TWNK: variants seen among roughly 807,000 people sequenced by gnomAD.
The protein encoded by TWNK is twinkle mtDNA helicase.
Under a neutral mutation model 58.2 loss-of-function variants are expected in TWNK, and 36 were observed. The ratio of observed to expected loss-of-function variants is 0.62; its 90% CI spans 0.47 to 0.82. The LOEUF (loss-of-function observed/expected upper bound fraction) is 0.82. Ranked by LOEUF, TWNK falls within the 40% of genes least tolerant of loss-of-function variation. The pLI, the probability that TWNK is intolerant of heterozygous loss-of-function variation, is 0.00. For synonymous variants in TWNK, 349 were observed against 348.5 expected (o/e 1.00, Z -0.02); for missense variants, 714 against 881.0 (o/e 0.81, Z 2.40).
Position 100,989,964 on chromosome 10 carries a change from C to T in TWNK, c.1484+80C>T, listed in dbSNP as rs1238289591. The T allele has an allele frequency of 6.4e-7, 1 of 1,552,412 alleles. No homozygotes were observed. The highest frequency in any genetic ancestry group is 1.4e-5 in the African/African-American group (1 of 73,536). On this transcript the variant is annotated intron_variant, in intron 2 of 4. Transcript: ENST00000311916. This position sits in a 1 kb window ranked among gnomAD's most constrained non-coding sequence, Gnocchi z 7.6. ...GGAACCTTTGGTTCCTTTTCCAGCT[C>T]CAGTAGGAACTCCCCCATCTCCTTA...
rs1851849875 is a variant in TWNK, at chr10:100,993,696, G to A, written c.*186G>A. 1.5e-6 allele frequency: 1 copy of A among 667,832 alleles called. No homozygotes were observed. The allele number at this position is 667,832 out of a possible 1,614,324, so 41.4% of individuals were successfully genotyped here. On this transcript the variant is annotated 3_prime_UTR_variant, in exon 5 of 5. Transcript: ENST00000311916. Reference sequence around the variant, plus strand: ...CAGACTACTGAGAAACTACTGTGTTGCTCAGGCTTTGTTTGAGGTCCTGTA... The same window carrying A: ...CAGACTACTGAGAAACTACTGTGTTACTCAGGCTTTGTTTGAGGTCCTGTA...
In TWNK at chr10:100,993,410, C is replaced by T. The variant is rs1851839545; in HGVS notation, c.1955C>T (p.Pro652Leu). Residue 652 changes from proline to leucine, a missense_variant, in exon 5 of 5, where the codon CCC becomes CTC. By Grantham distance (98) the Pro-to-Leu change is moderately conservative. Around this residue, in one of 3 missense-constraint regions of TWNK, gnomAD observed 64 missense variants for 54.0 expected, o/e 1.19. Transcript: ENST00000311916. The part of the protein sequence containing the change: ...KDDTGPVAKK[P>L]SSGKKGATTQ... Reference sequence around the variant, plus strand: ...GACACTGGACCAGTGGCCAAAAAGCCCTCTTCTGGCAAAAAGGGGGCTACG... The same window carrying T: ...GACACTGGACCAGTGGCCAAAAAGCTCTCTTCTGGCAAAAAGGGGGCTACG... 6.2e-7 allele frequency: 1 copy of T among 1,614,090 alleles called. No homozygotes were observed. Among genetic ancestry groups the T allele is most frequent in the Non-Finnish European group, 8.5e-7 (1 of 1,180,040 alleles).
Position 100,988,641 on chromosome 10 carries a change from A to AGTT in TWNK, c.432_433insTTG (p.Lys144_Ala145insLeu). 3.1e-6 allele frequency: 5 copies of AGTT among 1,614,002 alleles called. No individual in the cohort carries two copies. The highest frequency in any genetic ancestry group is 4.2e-6 in the Non-Finnish European group (5 of 1,180,018). On this transcript the variant is annotated inframe_insertion, in exon 1 of 5. Coordinates refer to ENST00000311916, the MANE Select transcript of TWNK (RefSeq NM_021830.5). This position sits in a 1 kb window ranked among gnomAD's most constrained non-coding sequence, Gnocchi z 5.2. ...GCCAGGGAGGGGTTTCTGCTTAGCA[A>AGTT]GGCACCAGAATTTGAGGACAGCGAG...
At chr10:100,992,528 TAAAAAA>T (rs1209775610) in intron 4 of TWNK, among the ~76,000 whole-genome samples, 3 of 91,122 alleles carry the variant, frequency 3.3e-5, no homozygotes, top group Non-Finnish European at 6.4e-5. Flanking sequence ...ACCCTGTCTT[TAAAAAA>T]AAAAAAAAAA....
chr10:100,991,077 C>T, intron 4 of TWNK, 67 bp downstream of exon 4: 5 of 1,607,846 alleles, frequency 3.1e-6, no homozygotes, highest in Non-Finnish European at 3.4e-6. Context: ...AGGGACAGCC[C>T]TCATTCAGCC....
At position 100,988,266 on chromosome 10, in the gene TWNK, G is replaced by A. The variant is rs767175342; in HGVS notation, c.56G>A (p.Gly19Glu). ...YPLRILLPLRGEWMGRRGLPR... is the reference protein window; with the variant it reads ...YPLRILLPLREEWMGRRGLPR... The stretch of plus-strand genomic sequence containing the variant: ...CTCCGTATCTTGTTACCCCTGCGTG[G>A]GGAGTGGATGGGTCGGAGGGGCCTG... The change falls in exon 1 of 5, where the codon GGG becomes GAG. Residue 19 changes from glycine to glutamate, a missense_variant. Coordinates refer to ENST00000311916, the MANE Select transcript of TWNK (RefSeq NM_021830.5). This position sits in a 1 kb window ranked among gnomAD's most constrained non-coding sequence, Gnocchi z 5.2. 2.6e-5 allele frequency: 42 copies of A among 1,613,916 alleles called. No individual in the cohort carries two copies. Among genetic ancestry groups the A allele is most frequent in the Non-Finnish European group, 3.5e-5 (41 of 1,180,050 alleles).
At chr10:100,992,461 C>T (rs550553698) in intron 4 of TWNK, among the ~76,000 whole-genome samples, 16 of 148,546 alleles carry the variant, frequency 1.1e-4, no homozygotes, top group African/African-American at 1.5e-4. Context: ...ATGATCCGTC[C>T]GCCTCGGCCT....
Position 100,989,884 on chromosome 10 carries a change from G to T in TWNK, c.1484G>T (p.Arg495Met). The T allele has an allele frequency of 1.2e-6, 2 of 1,614,156 alleles. No individual in the cohort carries two copies. Among genetic ancestry groups the T allele is most frequent in the Non-Finnish European group, 1.7e-6 (2 of 1,180,028 alleles). The change falls in exon 2 of 5, where the codon AGG (arginine) becomes ATG (methionine). Residue 495 changes from arginine (R) to methionine (M), a missense_variant and splice_region_variant. Physicochemically the swap from Arg to Met is moderately conservative, Grantham distance 91. Around this residue, in one of 3 missense-constraint regions of TWNK, gnomAD observed 302 missense variants for 438.6 expected, o/e 0.69. Transcript: ENST00000311916. The surrounding 1 kb of genome is among the most constrained non-coding windows in gnomAD (Gnocchi z 7.6). Reference sequence around the variant, plus strand: ...ACTTTCCATGGACAGCAAAGCATCAGGTGAGACTCCCAGATTCCAGCCACC... The same window carrying T: ...ACTTTCCATGGACAGCAAAGCATCATGTGAGACTCCCAGATTCCAGCCACC... ...FMTFHGQQSI[R>M]TVIDTMQHAV...
intron 4 of TWNK, 49 bp from the exon 5 acceptor site, chr10:100,993,141 C>T (rs781169435): frequency 6.3e-7 from 1 of 1,596,788 alleles, no homozygotes; most frequent in South Asian, 1.1e-5. Flanking sequence ...TTCTGCTTTG[C>T]TCATGTCCTC....
Position 100,993,887 on chromosome 10 carries a change from T to G in TWNK, c.*377T>G, listed in dbSNP as rs1297944327. 4.0e-6 allele frequency: 1 copy of G among 251,950 alleles called. No individual in the cohort carries two copies. The allele number at this position is 251,950 out of a possible 1,614,324, so 15.6% of individuals were successfully genotyped here. A position where few individuals can be genotyped will look rare whatever the true frequency, so the allele number is the denominator to read the frequency against. On this transcript the variant is annotated 3_prime_UTR_variant, in exon 5 of 5. Coordinates refer to ENST00000311916, the MANE Select transcript of TWNK (RefSeq NM_021830.5). ...GGCAGGCTAGTGTAGATAAGTGGTC[T>G]GAAAAGGTGTCTCTGAGCCGAGGGC...
intron 2 of TWNK, among the ~76,000 whole-genome samples, 174 bp downstream of exon 2, chr10:100,990,058 C>T (rs1043545033): frequency 3.3e-5 from 5 of 152,108 alleles, no homozygotes; most frequent in Non-Finnish European, 7.3e-5. Context: ...AATCCCAGCA[C>T]TTTGGGAGGC....
rs1248801941 is a variant in TWNK, at chr10:100,988,642, G to A, written c.432G>A (p.Lys144=). The A allele has an allele frequency of 8.7e-6, 14 of 1,613,906 alleles. No homozygotes were observed. Among genetic ancestry groups the A allele is most frequent in the Non-Finnish European group, 1.2e-5 (14 of 1,180,030 alleles). ...DGAREGFLLS[K]APEFEDSEEV... is the part of the protein sequence containing the mutation. ...CCAGGGAGGGGTTTCTGCTTAGCAA[G>A]GCACCAGAATTTGAGGACAGCGAGG... The change falls in exon 1 of 5, where the codon AAG becomes AAA. Residue 144 remains lysine, a synonymous_variant. Transcript: ENST00000311916. The surrounding 1 kb of genome is among the most constrained non-coding windows in gnomAD (Gnocchi z 5.2).
Position 100,990,791 on chromosome 10 carries a change from T to C in TWNK, c.1593-78T>C, listed in dbSNP as rs1006240294. ...TGGGTTGTGGTAGTTTGTGGGGAGA[T>C]GTGAATGGATCAAGAGTATGTGTAT... On this transcript the variant is annotated intron_variant, in intron 3 of 4. Coordinates refer to ENST00000311916, the MANE Select transcript of TWNK (RefSeq NM_021830.5). The C allele has an allele frequency of 3.1e-6, 5 of 1,588,320 alleles. No individual in the cohort carries two copies. In the African/African-American group the frequency reaches 5.4e-5, roughly 17 times the overall value.
rs200192223 is a variant in TWNK, at chr10:100,990,891, A to C, written c.1615A>C (p.Ile539Leu). ...TAGGATCGCAGCTCAAGACTACATC[A>C]TCGGGGTCTTTCGGAAGTTTGCAAC... ...TDRIAAQDYI[I>L]GVFRKFATDN... The change falls in exon 4 of 5, where the codon ATC (isoleucine) becomes CTC (leucine). Residue 539 changes from isoleucine to leucine, a missense_variant. Around this residue, in one of 3 missense-constraint regions of TWNK, gnomAD observed 302 missense variants for 438.6 expected, o/e 0.69. Coordinates refer to ENST00000311916, the MANE Select transcript of TWNK (RefSeq NM_021830.5). The C allele has an allele frequency of 4.3e-6, 7 of 1,614,138 alleles. No individual in the cohort carries two copies. In the Admixed American group the frequency reaches 1.2e-4, roughly 27 times the overall value.
rs772751928 is a variant in TWNK, at chr10:100,988,500, C to A, written c.290C>A (p.Thr97Asn). ...CAGCTCAAAGGCCAGACTGGTGTTA[C>A]CACTTCCTTCAGCCTCTTCATTGAC... ...SSQLKGQTGV[T>N]TSFSLFIDKT... The change falls in exon 1 of 5, where the codon ACC becomes AAC. Residue 97 changes from threonine to asparagine, a missense_variant. Physicochemically the swap from Thr to Asn is moderately conservative, Grantham distance 65. Transcript: ENST00000311916. The surrounding 1 kb of genome is among the most constrained non-coding windows in gnomAD (Gnocchi z 5.2). 1.2e-6 allele frequency: 2 copies of A among 1,614,248 alleles called. No individual in the cohort carries two copies. Among genetic ancestry groups the A allele is most frequent in the African/African-American group, 2.7e-5 (2 of 75,062 alleles).
At chr10:100,991,054 G>C in intron 4 of TWNK, 44 bp downstream of exon 4, 1 of 1,612,738 alleles carries the variant, frequency 6.2e-7, no homozygotes, top group Non-Finnish European at 8.5e-7. Flanking sequence ...AAATAGAGTG[G>C]GTAGGTGTGA....
chr10:100,988,579 A>G lies in TWNK; in HGVS notation c.369A>G (p.Glu123=). 1 of 1,614,006 alleles carries G rather than the reference A, an allele frequency of 6.2e-7. No homozygotes were observed. Among genetic ancestry groups the G allele is most frequent in the Non-Finnish European group, 8.5e-7 (1 of 1,180,020 alleles). Residue 123 remains glutamate, a synonymous_variant, in exon 1 of 5, where the codon GAA becomes GAG. Coordinates refer to ENST00000311916, the MANE Select transcript of TWNK (RefSeq NM_021830.5). This position sits in a 1 kb window ranked among gnomAD's most constrained non-coding sequence, Gnocchi z 5.2. ...CCAGCCTAGCAGAAGGGAGCTGGGA[A>G]GACTTCCAGGCCAGCGTGGAGGGGC... is the stretch of plus-strand genomic sequence containing the variant. The part of the protein sequence containing the change: ...CMTSLAEGSW[E]DFQASVEGRG...
intron 4 of TWNK, among the ~76,000 whole-genome samples, chr10:100,992,109 G>A (rs1851793471): frequency 6.7e-6 from 1 of 149,374 alleles, no homozygotes; most frequent in Non-Finnish European, 1.5e-5. Flanking sequence ...AGGCTGAGGT[G>A]GGAGGATTGC....
intron 4 of TWNK, 144 bp from the exon 5 acceptor site, chr10:100,993,046 A>G: frequency 2.3e-6 from 2 of 863,364 alleles, no homozygotes; most frequent in South Asian, 2.8e-5. Context: ...TCGGCCTCCC[A>G]AAGTTCTGGG....
Sources: gnomAD v4.1 joint callset for allele counts (sites outside exome capture counted in the v4.1 genomes callset) on GRCh38, gnomAD v4.1.1 for gene constraint, gnomAD v4.1.1 regional missense constraint, Gnocchi (gnomAD v3.1) non-coding constraint, MANE v1.5 for transcripts, NCBI Gene and HGNC (gene_info 2026-07-23, HGNC 2026-07-21) for gene names.